Variants in LAMB4 observed in about 807,000 individuals in gnomAD.
LAMB4 encodes the protein laminin subunit beta-4.
A neutral mutation model predicts 199.2 loss-of-function variants in LAMB4; 196 were observed. The observed-to-expected ratio is 0.98, with a 90% CI of 0.88 to 1.11. LAMB4 has a LOEUF of 1.11. LAMB4 is among the 50% of genes least tolerant of loss of function. The pLI, the probability that LAMB4 is intolerant of heterozygous loss-of-function variation, is 0.00. For missense variants in LAMB4, 2,080 were observed against 2,171.2 expected (o/e 0.96, Z 0.83); for synonymous variants, 744 against 770.6 (o/e 0.97, Z 0.57).
chr7:108,090,290 C>A (rs1166270976), intron 14 of LAMB4, among the ~76,000 whole-genome samples: 6 of 152,130 alleles, frequency 3.9e-5, no homozygotes, highest in Admixed American at 1.3e-4. Flanking sequence ...AAAGATCATA[C>A]CCTCAGCAGA....
At chr7:108,128,387 C>T (rs2038869482) in intron 1 of LAMB4, among the ~76,000 whole-genome samples, 1 of 152,072 alleles carries the variant, frequency 6.6e-6, no homozygotes, top group African/African-American at 2.4e-5. Flanking sequence ...AGGGGTGCTG[C>T]TAAGTAAATA....
chr7:108,118,955 C>T (rs775680010), intron 2 of LAMB4, among the ~76,000 whole-genome samples: 7 of 152,026 alleles, frequency 4.6e-5, no homozygotes, highest in Non-Finnish European at 7.4e-5. Context: ...TTAAAAAAGC[C>T]AATCAAATGA....
intron 24 of LAMB4, among the ~76,000 whole-genome samples, chr7:108,056,670 A>T (rs1364890200): frequency 2.0e-5 from 3 of 152,130 alleles, no homozygotes; most frequent in African/African-American, 7.2e-5. Context: ...GGAACAAGTA[A>T]TTTAAAAATG....
chr7:108,037,254 C>T, intron 30 of LAMB4, 134 bp downstream of exon 30: 1 of 692,844 alleles, frequency 1.4e-6, no homozygotes. Context: ...GAGAGCTCAG[C>T]CCTCAACTTG....
At chr7:108,047,343 G>A (rs1408263204) in intron 28 of LAMB4, among the ~76,000 whole-genome samples, 2 of 151,940 alleles carry the variant, frequency 1.3e-5, no homozygotes, top group Non-Finnish European at 2.9e-5. Context: ...CTCTGAGACA[G>A]CAAGACCAAC....
At position 108,043,779 on chromosome 7, in the gene LAMB4, T is replaced by C. The variant is rs142166643; in HGVS notation, c.4444A>G (p.Ile1482Val). 7 of 1,592,830 alleles carry C rather than the reference T, an allele frequency of 4.4e-6. No homozygotes were observed. The highest frequency in any genetic ancestry group is 5.1e-6 in the Non-Finnish European group (6 of 1,166,856). The change falls in exon 29 of 34, where the codon ATC becomes GTC. Residue 1482 changes from isoleucine to valine, a missense_variant. By Grantham distance (29) the Ile-to-Val change is conservative. Transcript: ENST00000388781. Reference protein sequence around the residue: ...DSEEENINLFIKKVKNFLLEE... With the variant: ...DSEEENINLFVKKVKNFLLEE... ...AACAAAAAGTTTTTCACTTTTTTGA[T>C]GAAAAGATTGATGTTTTCTTCTTCA...
At chr7:108,054,611 A>G (rs139766635) in intron 25 of LAMB4, among the ~76,000 whole-genome samples, 1 of 152,240 alleles carries the variant, frequency 6.6e-6, no homozygotes, top group South Asian at 2.1e-4. Flanking sequence ...ACTATACCCA[A>G]TTCATCCTGG....
intron 8 of LAMB4, 71 bp downstream of exon 8, chr7:108,105,746 A>T: frequency 7.8e-7 from 1 of 1,288,862 alleles, no homozygotes; most frequent in Non-Finnish European, 1.1e-6. Context: ...GGAGTGTCTC[A>T]TCTATATATA....
At chr7:108,065,984 G>A (rs2036325104) in intron 20 of LAMB4, 65 bp from the exon 21 acceptor site, 4 of 1,481,554 alleles carry the variant, frequency 2.7e-6, no homozygotes, top group African/African-American at 1.4e-5. Context: ...GCCAATGACG[G>A]TTTGCTATGC....
At chr7:108,031,462 G>C (rs577732501) in intron 31 of LAMB4, among the ~76,000 whole-genome samples, 1 of 149,566 alleles carries the variant, frequency 6.7e-6, no homozygotes, top group African/African-American at 2.5e-5. Flanking sequence ...CATTAACAAT[G>C]AGCTAAGGCC....
chr7:108,105,855 G>A lies in LAMB4; in HGVS notation c.832C>T (p.Gln278Ter), dbSNP rs752523811. The change falls in exon 8 of 34, where the codon CAG becomes TAG. Residue 278 changes from glutamine (Q) to a stop codon, truncating the protein, a stop_gained. Transcript: ENST00000388781. LOFTEE classifies it high-confidence loss of function. ...CTGAAAACATCTCCCCGCATCTTCT[G>A]CATAGGGCGACATTCGCTAGCATGG... The part of the protein sequence containing the change: ...NGHASECRPM[Q>*]KMRGDVFSPP... 6.2e-7 allele frequency: 1 copy of A among 1,614,200 alleles called. No individual in the cohort carries two copies. The highest frequency in any genetic ancestry group is 8.5e-7 in the Non-Finnish European group (1 of 1,180,030).
Position 108,052,096 on chromosome 7 carries a change from C to T in LAMB4, c.3916+1G>A. 3.7e-6 allele frequency: 6 copies of T among 1,600,692 alleles called. No homozygotes were observed. Among genetic ancestry groups the T allele is most frequent in the Non-Finnish European group, 5.1e-6 (6 of 1,173,298 alleles). On this transcript the variant is annotated splice_donor_variant, in intron 26 of 33. Coordinates refer to ENST00000388781, the MANE Select transcript of LAMB4 (RefSeq NM_007356.3). LOFTEE classifies it high-confidence loss of function. The stretch of plus-strand genomic sequence containing the variant: ...CAGTCAAAAATACATTTTTCCCTTA[C>T]CCGCAATGCTTGCATTAAGGACACT...
intron 33 of LAMB4, chr7:108,027,047 A>C (rs1325974816): frequency 2.6e-6 from 1 of 377,574 alleles, no homozygotes; most frequent in Admixed American, 3.8e-5. Context: ...ATCAGTGGAA[A>C]CAATGTGTGT....
chr7:108,021,625 C>T (rs2034695232), downstream of LAMB4, among the ~76,000 whole-genome samples: 1 of 151,892 alleles, frequency 6.6e-6, no homozygotes, highest in African/African-American at 2.4e-5. Flanking sequence ...AGGAGAATCG[C>T]ATGAAGCCGG....
At chr7:108,090,315 C>T (rs2037348964) in intron 14 of LAMB4, among the ~76,000 whole-genome samples, 3 of 152,132 alleles carry the variant, frequency 2.0e-5, no homozygotes, top group Non-Finnish European at 4.4e-5. Flanking sequence ...GAAAATTATT[C>T]ACATTATTGC....
At chr7:108,013,278 T>A in the LAMB4 span, among the ~76,000 whole-genome samples, 1 of 152,182 alleles carries the variant, frequency 6.6e-6, no homozygotes, top group African/African-American at 2.4e-5. Context: ...ACGGAATAAA[T>A]GCCTGGGACT....
intron 12 of LAMB4, among the ~76,000 whole-genome samples, chr7:108,094,810 T>C (rs2037534628): frequency 6.6e-6 from 1 of 152,220 alleles, no homozygotes; most frequent in Non-Finnish European, 1.5e-5. Context: ...AGCTTGTTTT[T>C]TTATAAGACC....
chr7:108,066,293 A>G, intron 20 of LAMB4, 76 bp downstream of exon 20: 1 of 1,072,900 alleles, frequency 9.3e-7, no homozygotes, highest in Non-Finnish European at 1.4e-6. Flanking sequence ...TTGAGTCTCT[A>G]CTCAATGGAT....
intron 11 of LAMB4, among the ~76,000 whole-genome samples, chr7:108,096,087 G>A (rs2037584512): frequency 1.3e-5 from 2 of 152,112 alleles, no homozygotes; most frequent in Non-Finnish European, 2.9e-5. Context: ...CATTAACATC[G>A]TTGCATAAAC....
Sources: allele counts gnomAD v4.1 joint callset (sites outside exome capture counted in the v4.1 genomes callset), GRCh38; gene constraint gnomAD v4.1.1; transcripts MANE v1.5; gene names NCBI Gene and HGNC (gene_info 2026-07-23, HGNC 2026-07-21).